The following DSTYK variants were observed in gnomAD, a reference collection of about 807,000 sequenced individuals.
The protein encoded by DSTYK is RIP-homologous kinase.
DSTYK carries 34 observed loss-of-function variants against 98.7 expected under a neutral mutation model. The ratio of observed to expected loss-of-function variants is 0.34; its 90% CI spans 0.26 to 0.46. The LOEUF (loss-of-function observed/expected upper bound fraction) is 0.46. Among genes scored for constraint, DSTYK ranks in the 20% least tolerant of loss-of-function variants. The probability of loss-of-function intolerance (pLI) is 1.00; values close to 1 mark genes in which losing one functional copy is unlikely to be tolerated. For synonymous variants in DSTYK, 462 were observed against 457.3 expected (o/e 1.01, Z -0.13); for missense variants, 962 against 1,181.7 (o/e 0.81, Z 2.73).
At chr1:205,197,965 G>A (rs924950299) in intron 1 of DSTYK, among the ~76,000 whole-genome samples, 6 of 152,214 alleles carry the variant, frequency 3.9e-5, no homozygotes, top group East Asian at 1.9e-4. Context: ...AGGCTGAGGC[G>A]GGCGGATCAC....
chr1:205,175,815 G>A (rs1465694097), intron 2 of DSTYK, among the ~76,000 whole-genome samples: 2 of 152,144 alleles, frequency 1.3e-5, no homozygotes, highest in Non-Finnish European at 2.9e-5. Flanking sequence ...CTAGAACAGT[G>A]CCTGGCACTT....
intron 10 of DSTYK, among the ~76,000 whole-genome samples, chr1:205,151,466 T>TTTG (rs142504789): frequency 0.033 from 5,010 of 152,098 alleles, 235 homozygotes; most frequent in African/African-American, 0.1. Flanking sequence ...ATAGTGGCTT[T>TTTG]TTGTTGTTGT....
intron 1 of DSTYK, among the ~76,000 whole-genome samples, chr1:205,197,231 T>C (rs1658894289): frequency 6.6e-6 from 1 of 152,154 alleles, no homozygotes; most frequent in African/African-American, 2.4e-5. Context: ...TGTTAATTTC[T>C]TGATTTGGCG....
In DSTYK at chr1:205,144,775, C is replaced by T. The variant is rs1226768541; in HGVS notation, c.*2783G>A. On this transcript the variant is annotated 3_prime_UTR_variant, in exon 13 of 13. Coordinates refer to ENST00000367162, the MANE Select transcript of DSTYK (RefSeq NM_015375.3). ...CCTTACTTATATCAGTCCCTCCCTTCCACCCTCCCCACTGGGGAAAAAACT... is the reference window on the plus strand; with the variant it reads ...CCTTACTTATATCAGTCCCTCCCTTTCACCCTCCCCACTGGGGAAAAAACT... 1.3e-5 allele frequency: 2 copies of T among 152,194 alleles called. No individual in the cohort carries two copies. Among genetic ancestry groups the T allele is most frequent in the African/African-American group, 2.4e-5 (1 of 41,438 alleles). 9.4% of individuals were successfully genotyped at this position (152,194 alleles called of 1,614,324 possible). A position where few individuals can be genotyped will look rare whatever the true frequency, so the allele number is the denominator to read the frequency against.
At chr1:205,195,773 T>A (rs1021665434) in intron 1 of DSTYK, among the ~76,000 whole-genome samples, 2 of 152,180 alleles carry the variant, frequency 1.3e-5, no homozygotes, top group African/African-American at 4.8e-5. Context: ...GGAGACCGCC[T>A]CCCTAGGGGC....
At chr1:205,183,406 G>A (rs1311511831) in intron 2 of DSTYK, among the ~76,000 whole-genome samples, 1 of 152,172 alleles carries the variant, frequency 6.6e-6, no homozygotes, top group East Asian at 1.9e-4. Flanking sequence ...AATTAAAAAG[G>A]TGGAATACCA....
At position 205,187,550 on chromosome 1, in the gene DSTYK, C is replaced by T. The variant is rs960171839; in HGVS notation, c.522G>A (p.Val174=). ...TGCCCTGATGAGCAACCAGCGTGTG[C>T]ACTAGTTCATACTGTCCAGGGAGCG... ...SLALPGQYEL[V]HTLVAHQGNW... Residue 174 remains valine, a synonymous_variant, in exon 2 of 13, where the codon GTG becomes GTA. Coordinates refer to ENST00000367162, the MANE Select transcript of DSTYK (RefSeq NM_015375.3). The T allele has an allele frequency of 9.9e-6, 16 of 1,614,170 alleles. No individual in the cohort carries two copies. Among genetic ancestry groups the T allele is most frequent in the Non-Finnish European group, 1.4e-5 (16 of 1,180,036 alleles).
intron 1 of DSTYK, among the ~76,000 whole-genome samples, chr1:205,203,532 GGGGTACGGTAGGGAA>G (rs1659106612): frequency 2.1e-5 from 1 of 46,708 alleles, no homozygotes; most frequent in Admixed American, 2.1e-4. Context: ...GGGGAGGGGA[GGGGTACGGTAGGGAA>G]GGGGAGGGGA....
chr1:205,157,852 A>C (rs1657608967), intron 9 of DSTYK, among the ~76,000 whole-genome samples: 1 of 152,164 alleles, frequency 6.6e-6, no homozygotes, highest in South Asian at 2.1e-4. Context: ...AAGGAGACAA[A>C]GCCAGATAAA....
intron 2 of DSTYK, among the ~76,000 whole-genome samples, chr1:205,174,712 A>G (rs915520559): frequency 2.0e-5 from 3 of 149,188 alleles, no homozygotes; most frequent in Admixed American, 6.9e-5. Context: ...AATTAATTAA[A>G]AAAAGGGATT....
At chr1:205,151,466 T>G (rs77729737) in intron 10 of DSTYK, among the ~76,000 whole-genome samples, 2 of 152,000 alleles carry the variant, frequency 1.3e-5, no homozygotes, top group East Asian at 1.9e-4. Context: ...ATAGTGGCTT[T>G]TTGTTGTTGT....
At chr1:205,207,170 C>G (rs12091341) in intron 1 of DSTYK, among the ~76,000 whole-genome samples, 1 of 151,604 alleles carries the variant, frequency 6.6e-6, no homozygotes, top group South Asian at 2.1e-4. Flanking sequence ...CCTCCGCCTC[C>G]TGGGTTCAAG....
Position 205,147,108 on chromosome 1 carries a change from T to G in DSTYK, c.*450A>C, listed in dbSNP as rs888371836. ...TATTGTTTTTGTCCCCATGTTTTCATAATCCCAGAACTAAGCTCAAATTTT... is the reference window on the plus strand; with the variant it reads ...TATTGTTTTTGTCCCCATGTTTTCAGAATCCCAGAACTAAGCTCAAATTTT... On this transcript the variant is annotated 3_prime_UTR_variant, in exon 13 of 13. Coordinates refer to ENST00000367162, the MANE Select transcript of DSTYK (RefSeq NM_015375.3). 2 of 153,528 alleles carry G rather than the reference T, an allele frequency of 1.3e-5. No homozygotes were observed. The highest frequency in any genetic ancestry group is 4.8e-5 in the African/African-American group (2 of 41,472). 9.5% of individuals were successfully genotyped at this position (153,528 alleles called of 1,614,324 possible).
intron 10 of DSTYK, among the ~76,000 whole-genome samples, chr1:205,151,459 G>A (rs1657399985): frequency 1.3e-5 from 2 of 151,732 alleles, no homozygotes. Flanking sequence ...TACAAAAATA[G>A]TGGCTTTTTG....
intron 2 of DSTYK, among the ~76,000 whole-genome samples, chr1:205,175,900 T>C (rs1404950695): frequency 1.3e-5 from 2 of 152,196 alleles, no homozygotes; most frequent in Non-Finnish European, 2.9e-5. Context: ...AATCGGCATA[T>C]GTAAAATCTT....
intron 1 of DSTYK, among the ~76,000 whole-genome samples, chr1:205,201,164 C>CA (rs1343235816): frequency 6.6e-6 from 1 of 152,024 alleles, no homozygotes; most frequent in Non-Finnish European, 1.5e-5. Context: ...CTTGGCCTCC[C>CA]AAAGTGCTGG....
chr1:205,169,042 G>T lies in DSTYK; in HGVS notation c.1324+121C>A. The stretch of plus-strand genomic sequence containing the variant: ...TAGTGGGCTCCTGCTGGTAACAGTG[G>T]GGTGGATGAAGTTACCCTGAGATTC... On this transcript the variant is annotated intron_variant, in intron 3 of 12. Transcript: ENST00000367162. The surrounding 1 kb of genome is among the most constrained non-coding windows in gnomAD (Gnocchi z 4.0). The T allele has an allele frequency of 4.8e-6, 4 of 828,928 alleles. No homozygotes were observed. Among genetic ancestry groups the T allele is most frequent in the South Asian group, 3.7e-5 (2 of 54,652 alleles). 51.3% of individuals were successfully genotyped at this position (828,928 alleles called of 1,614,324 possible).
chr1:205,145,525 G>GTTTTTTTTTTTTTTTTTTT lies in DSTYK; in HGVS notation c.*2032_*2033insAAAAAAAAAAAAAAAAAAA, dbSNP rs61220458. On this transcript the variant is annotated 3_prime_UTR_variant, in exon 13 of 13. Transcript: ENST00000367162. ...GATGTGCGACTCATCTTTGTTTTTT[G>GTTTTTTTTTTTTTTTTTTT]TTTTTTTTTTTGTTTTTTTTTGAGA... The GTTTTTTTTTTTTTTTTTTT allele has an allele frequency of 1.6e-5, 2 of 125,544 alleles. No individual in the cohort carries two copies. The highest frequency in any genetic ancestry group is 3.4e-5 in the Non-Finnish European group (2 of 59,288). 7.8% of individuals were successfully genotyped at this position (125,544 alleles called of 1,614,324 possible).
At chr1:205,210,547 T>C (rs912404741) in intron 1 of DSTYK, among the ~76,000 whole-genome samples, 1 of 152,190 alleles carries the variant, frequency 6.6e-6, no homozygotes, top group African/African-American at 2.4e-5. Context: ...CGATTTTAAG[T>C]GTTTGGGGGC....
Sources: gnomAD v4.1 joint callset for allele counts (sites outside exome capture counted in the v4.1 genomes callset) on GRCh38, gnomAD v4.1.1 for gene constraint, Gnocchi (gnomAD v3.1) non-coding constraint, MANE v1.5 for transcripts, NCBI Gene and HGNC (gene_info 2026-07-23, HGNC 2026-07-21) for gene names.